Variants in PNLIPRP3 observed in about 807,000 individuals in gnomAD.
PNLIPRP3 encodes the protein pancreatic lipase related protein 3.
Under a neutral mutation model 52.8 loss-of-function variants are expected in PNLIPRP3, and 58 were observed. That is an observed-to-expected ratio of 1.10 (90% CI 0.89 to 1.37). The LOEUF is 1.37. PNLIPRP3 is among the 40% of genes most tolerant of loss of function. The probability of loss-of-function intolerance (pLI) is 0.00; values close to 1 mark genes in which losing one functional copy is unlikely to be tolerated. For synonymous variants in PNLIPRP3, 192 were observed against 185.0 expected (o/e 1.04, Z -0.31); for missense variants, 593 against 561.6 (o/e 1.06, Z -0.57).
intron 7 of PNLIPRP3, among the ~76,000 whole-genome samples, chr10:116,463,922 A>T (rs1734159982): frequency 6.6e-6 from 1 of 152,030 alleles, no homozygotes. Flanking sequence ...ATCACTTGAG[A>T]CTTGAGGCCA....
At chr10:116,438,530 C>T (rs1845810110) in intron 2 of PNLIPRP3, among the ~76,000 whole-genome samples, 1 of 152,184 alleles carries the variant, frequency 6.6e-6, no homozygotes, top group Non-Finnish European at 1.5e-5. Context: ...TGAAATCTGC[C>T]AGCTATCTGT....
intron 3 of PNLIPRP3, among the ~76,000 whole-genome samples, chr10:116,443,782 T>TGA (rs1845896416): frequency 1.4e-4 from 4 of 27,736 alleles, no homozygotes; most frequent in African/African-American, 2.5e-4. Flanking sequence ...TGTGTGTGTG[T>TGA]GTGTATGTAT....
At chr10:116,428,751 A>C (rs931853661) in intron 1 of PNLIPRP3, among the ~76,000 whole-genome samples, 3 of 152,192 alleles carry the variant, frequency 2.0e-5, no homozygotes, top group African/African-American at 7.2e-5. Context: ...CATTAAAATT[A>C]GTTGATTTAT....
At chr10:116,462,676 G>A (rs1846210545) in intron 7 of PNLIPRP3, among the ~76,000 whole-genome samples, 2 of 151,972 alleles carry the variant, frequency 1.3e-5, no homozygotes, top group Non-Finnish European at 2.9e-5. Flanking sequence ...TACAAAAGAG[G>A]CATATTATAA....
chr10:116,435,250 T>C lies in PNLIPRP3; in HGVS notation c.50-1461T>C, dbSNP rs540660516. Reference sequence around the variant, plus strand: ...CTTATAGAGCAAAGTCTGAATATTATCAATTTTGATAGTATGAAAACAACA... The same window carrying C: ...CTTATAGAGCAAAGTCTGAATATTACCAATTTTGATAGTATGAAAACAACA... On this transcript the variant is annotated intron_variant, in intron 1 of 11. Coordinates refer to ENST00000369230, the MANE Select transcript of PNLIPRP3 (RefSeq NM_001011709.3). 4.6e-5 allele frequency among the ~76,000 whole-genome samples: 7 copies of C among 152,224 alleles called. No individual in the cohort carries two copies. The South Asian group carries it at 1.5e-3, about 32-fold the overall frequency.
At chr10:116,444,821 T>C (rs1387853864) in intron 4 of PNLIPRP3, among the ~76,000 whole-genome samples, 1 of 152,218 alleles carries the variant, frequency 6.6e-6, no homozygotes, top group Non-Finnish European at 1.5e-5. Flanking sequence ...TGTAAATCTA[T>C]CCTTAGAATT....
In PNLIPRP3 at chr10:116,440,010, C is replaced by T. The variant is rs996429435; in HGVS notation, c.205-3045C>T. 5 of 770,938 alleles carry T rather than the reference C, an allele frequency of 6.5e-6. No individual in the cohort carries two copies. In the African/African-American group the frequency reaches 6.8e-5, roughly 10 times the overall value. The allele number at this position is 770,938 out of a possible 1,614,324, so 47.8% of individuals were successfully genotyped here. ...GCACGAAGAAGGCATAAGCAGACAT[C>T]TTGCCGTTTGGTTTCTAGGGGTCAC... On this transcript the variant is annotated intron_variant, in intron 2 of 11. Transcript: ENST00000369230.
intron 2 of PNLIPRP3, among the ~76,000 whole-genome samples, chr10:116,438,096 T>G (rs1024584369): frequency 2.3e-4 from 35 of 152,224 alleles, no homozygotes; most frequent in African/African-American, 8.4e-4. Context: ...AAATTGAGGA[T>G]AAAAGAGAAG....
chr10:116,435,537 G>C (rs2133111379), intron 1 of PNLIPRP3, among the ~76,000 whole-genome samples: 1 of 152,216 alleles, frequency 6.6e-6, no homozygotes, highest in South Asian at 2.1e-4. Context: ...GGGATGCGCT[G>C]GGTTATTGAG....
intron 1 of PNLIPRP3, among the ~76,000 whole-genome samples, chr10:116,436,324 C>A: frequency 6.6e-6 from 1 of 152,274 alleles, no homozygotes; most frequent in Admixed American, 6.5e-5. Context: ...TGAACCCTTA[C>A]CTTATGCCAT....
At chr10:116,428,327 C>T (rs140204292) in intron 1 of PNLIPRP3, among the ~76,000 whole-genome samples, 2 of 152,040 alleles carry the variant, frequency 1.3e-5, no homozygotes, top group Non-Finnish European at 2.9e-5. Context: ...CATCTATTTC[C>T]AACAATATAA....
rs769660791 is a variant in PNLIPRP3 at position 116,471,862 on chromosome 10, G to A, written c.1155G>A (p.Gly385=). The A allele has an allele frequency of 1.9e-6, 3 of 1,591,294 alleles. No homozygotes were observed. The highest frequency in any genetic ancestry group is 4.5e-5 in the East Asian group (2 of 44,616). Residue 385 remains glycine, a synonymous_variant, in exon 10 of 12, where the codon GGG becomes GGA. Transcript: ENST00000369230. ...LRVGGAVRKT[G]EFAIVSGKLE... ...TAGGCGGGGCAGTTAGGAAAACTGG[G>A]GAGTTTGCCATTGTCAGGTAGGCAG...
At chr10:116,439,794 G>C (rs1027970443) in intron 2 of PNLIPRP3, 2 of 773,600 alleles carry the variant, frequency 2.6e-6, no homozygotes, top group Non-Finnish European at 2.4e-6. Context: ...CCTTCTTCTT[G>C]CCTCCCTTAG....
chr10:116,442,614 A>ATTGTGGTG (rs1845874501), intron 2 of PNLIPRP3, among the ~76,000 whole-genome samples: 1 of 152,142 alleles, frequency 6.6e-6, no homozygotes, highest in Non-Finnish European at 1.5e-5. Context: ...CTATAATCCC[A>ATTGTGGTG]GCAACTTGGG....
chr10:116,441,025 A>G (rs117992608), intron 2 of PNLIPRP3, among the ~76,000 whole-genome samples: 426 of 152,256 alleles, frequency 2.8e-3, no homozygotes, highest in Non-Finnish European at 4.7e-3. Context: ...TCGATAACCT[A>G]TTCTGTACAA....
At chr10:116,450,887 C>T (rs986380118) in intron 4 of PNLIPRP3, among the ~76,000 whole-genome samples, 2 of 148,134 alleles carry the variant, frequency 1.4e-5, no homozygotes. Context: ...ACAGATTCAA[C>T]GTAATACCTA....
chr10:116,467,546 T>C (rs1362162739), intron 8 of PNLIPRP3, among the ~76,000 whole-genome samples: 7 of 152,164 alleles, frequency 4.6e-5, no homozygotes, highest in Admixed American at 4.6e-4. Flanking sequence ...ATTTCATTCC[T>C]TTTCCTTTAG....
At chr10:116,461,400 C>G in intron 7 of PNLIPRP3, 110 bp downstream of exon 7, 5 of 1,310,604 alleles carry the variant, frequency 3.8e-6, no homozygotes, top group Non-Finnish European at 5.2e-6. Context: ...TGTATTTTCT[C>G]TCAAAACACA....
Position 116,476,927 on chromosome 10 carries a change from T to C in PNLIPRP3, c.1340+108T>C, listed in dbSNP as rs1029133202. ...AAGTAGCATAAAAATTTATAGACTT[T>C]GAAATTTTGCAATTAAAGAAAGGGA... On this transcript the variant is annotated intron_variant, in intron 11 of 11. Transcript: ENST00000369230. The C allele has an allele frequency of 1.1e-5, 14 of 1,294,438 alleles. No individual in the cohort carries two copies. The African/African-American group carries it at 1.5e-4, about 14-fold the overall frequency. The allele number at this position is 1,294,438 out of a possible 1,614,324, so 80.2% of individuals were successfully genotyped here.
Sources: gnomAD v4.1 joint callset for allele counts (sites outside exome capture counted in the v4.1 genomes callset) on GRCh38, gnomAD v4.1.1 for gene constraint, MANE v1.5 for transcripts, NCBI Gene and HGNC (gene_info 2026-07-23, HGNC 2026-07-21) for gene names.